The following CADM1 variants were observed in gnomAD, a reference collection of about 807,000 sequenced individuals.
CADM1 encodes TSLC-1.
Under a neutral mutation model 53.1 loss-of-function variants are expected in CADM1, and 15 were observed. The ratio of observed to expected loss-of-function variants is 0.28; its 90% confidence interval spans 0.19 to 0.44. The LOEUF (loss-of-function observed/expected upper bound fraction) is 0.44, where lower values mean the gene tolerates loss of function less well. Among genes scored for constraint, CADM1 ranks in the 20% least tolerant of loss-of-function variants. The pLI, the probability that CADM1 is intolerant of heterozygous loss-of-function variation, is 1.00. For synonymous variants in CADM1, 281 were observed against 243.0 expected (o/e 1.16, Z -1.45); for missense variants, 434 against 611.3 (o/e 0.71, Z 3.06).
chr11:115,239,919 G>GA (rs1942160462), intron 2 of CADM1, among the ~76,000 whole-genome samples: 1 of 152,080 alleles, frequency 6.6e-6, no homozygotes, highest in Admixed American at 6.6e-5. Flanking sequence ...TATTGCCTTG[G>GA]AAACTTCAAT....
chr11:115,289,597 T>C (rs1379865589), intron 1 of CADM1, among the ~76,000 whole-genome samples: 5 of 87,846 alleles, frequency 5.7e-5, no homozygotes, highest in Middle Eastern at 4.2e-3. Flanking sequence ...TTTTTTCTTT[T>C]TTTTTTTTTT....
At chr11:115,232,070 AATATAG>A (rs1369871154) in intron 3 of CADM1, among the ~76,000 whole-genome samples, 19 of 152,172 alleles carry the variant, frequency 1.2e-4, no homozygotes, top group Non-Finnish European at 2.1e-4. Flanking sequence ...ACATTATATC[AATATAG>A]ATATTAGTCA....
intron 5 of CADM1, among the ~76,000 whole-genome samples, chr11:115,220,671 C>T (rs571204954): frequency 6.6e-6 from 1 of 152,170 alleles, no homozygotes; most frequent in South Asian, 2.1e-4. Flanking sequence ...GCTATCCTCT[C>T]GCCCAGCCTA....
chr11:115,327,459 C>A (rs1944987875), intron 1 of CADM1, among the ~76,000 whole-genome samples: 2 of 152,008 alleles, frequency 1.3e-5, no homozygotes, highest in African/African-American at 2.4e-5. Flanking sequence ...CTTGTTTCTG[C>A]AAGGATTCAT....
At chr11:115,400,637 A>G (rs1475125045) in intron 1 of CADM1, among the ~76,000 whole-genome samples, 37 of 85,998 alleles carry the variant, frequency 4.3e-4, no homozygotes, top group African/African-American at 1.5e-3. Flanking sequence ...TGTATCATAT[A>G]TATGTGTGTG....
chr11:115,435,769 A>G (rs2135308888), intron 1 of CADM1, among the ~76,000 whole-genome samples: 1 of 152,320 alleles, frequency 6.6e-6, no homozygotes, highest in Non-Finnish European at 1.5e-5. Flanking sequence ...ACTGGAACAG[A>G]GCCAAGCTTT....
At chr11:115,433,119 C>G (rs1339958170) in intron 1 of CADM1, among the ~76,000 whole-genome samples, 1 of 152,162 alleles carries the variant, frequency 6.6e-6, no homozygotes, top group Non-Finnish European at 1.5e-5. Context: ...GGGGAAGACA[C>G]AGACCACCCC....
intron 1 of CADM1, among the ~76,000 whole-genome samples, chr11:115,266,551 A>C (rs972564329): frequency 9.2e-5 from 14 of 152,174 alleles, no homozygotes; most frequent in African/African-American, 3.4e-4. Context: ...TGTCTTCCAC[A>C]TTTACCAACT....
At chr11:115,191,088 AG>A in intron 9 of CADM1, 147 bp from the exon 10 acceptor site, 1 of 653,654 alleles carries the variant, frequency 1.5e-6, no homozygotes, top group Non-Finnish European at 2.6e-6. Flanking sequence ...TTAATCCATA[AG>A]TACATTTCTT....
At chr11:115,190,723 G>T (rs1939806564) in intron 10 of CADM1, 165 bp downstream of exon 10, 1 of 581,734 alleles carries the variant, frequency 1.7e-6, no homozygotes, top group East Asian at 2.8e-5. Context: ...GAGAAAACAG[G>T]TGAGTGGGTG....
chr11:115,350,516 T>C (rs1238785536), intron 1 of CADM1, among the ~76,000 whole-genome samples: 2 of 150,208 alleles, frequency 1.3e-5, no homozygotes, highest in African/African-American at 4.9e-5. Flanking sequence ...TTTCTTTTTT[T>C]TTTTTTTAAT....
chr11:115,308,141 C>CTGTG lies in CADM1; in HGVS notation c.125-67725_125-67722dup, dbSNP rs199736406. 1.3e-3 allele frequency among the ~76,000 whole-genome samples: 169 copies of CTGTG among 133,480 alleles called. 2 individuals are homozygous for CTGTG. The highest frequency in any genetic ancestry group is 3.7e-3 in the Middle Eastern group (1 of 268). The allele number at this position is 133,480 out of a possible 152,430, so 87.6% of individuals were successfully genotyped here. On this transcript the variant is annotated intron_variant, in intron 1 of 11. Coordinates refer to ENST00000331581, the MANE Select transcript of CADM1 (RefSeq NM_001301043.2). ...CCTGTAAAAGACACAAACTCTCTCTCTGTGTGTGTGTGTGTGTGTGTGTGT... is the reference window on the plus strand; with the variant it reads ...CCTGTAAAAGACACAAACTCTCTCTCTGTGTGTGTGTGTGTGTGTGTGTGTGTGT...
rs1216372271 is a variant in CADM1, at chr11:115,404,327, G to GAAAA, written c.124+99940_124+99943dup. ...GGCGACAGAGCAAGAATCTGTCTCG[G>GAAAA]AAAAAAAAAAAAAAAAAAAATATAT... On this transcript the variant is annotated intron_variant, in intron 1 of 11. Coordinates refer to ENST00000331581, the MANE Select transcript of CADM1 (RefSeq NM_001301043.2). Among the ~76,000 whole-genome samples, 41 of 5,822 alleles carry GAAAA rather than the reference G, an allele frequency of 7.0e-3. 4 individuals are homozygous for GAAAA. The highest frequency in any genetic ancestry group is 8.4e-3 in the Non-Finnish European group (25 of 2,994). The allele number at this position is 5,822 out of a possible 152,430, so 3.8% of individuals were successfully genotyped here.
In CADM1 at chr11:115,428,780, C is replaced by T. The variant is rs78147104; in HGVS notation, c.124+75491G>A. On this transcript the variant is annotated intron_variant, in intron 1 of 11. Coordinates refer to ENST00000331581, the MANE Select transcript of CADM1 (RefSeq NM_001301043.2). ...AAAAAAAACTAGCAGTGTGTGTGTG[C>T]GTGTGTGTGTGTGTGTGTACGTGTG... 4.0e-5 allele frequency among the ~76,000 whole-genome samples: 6 copies of T among 151,124 alleles called. No individual in the cohort carries two copies. The East Asian group carries it at 5.8e-4, about 15-fold the overall frequency.
At chr11:115,303,526 A>T (rs1184763272) in intron 1 of CADM1, among the ~76,000 whole-genome samples, 2 of 152,074 alleles carry the variant, frequency 1.3e-5, no homozygotes, top group African/African-American at 4.8e-5. Flanking sequence ...GTTTGTTCAC[A>T]TACTCACTAA....
intron 8 of CADM1, among the ~76,000 whole-genome samples, chr11:115,201,076 C>CAAAAGGGGAGG (rs1940399916): frequency 6.6e-6 from 1 of 152,030 alleles, no homozygotes; most frequent in Non-Finnish European, 1.5e-5. Context: ...CAACTGCACC[C>CAAAAGGGGAGG]AAAAGGGGAG....
chr11:115,213,339 T>C (rs1316727429), intron 7 of CADM1, among the ~76,000 whole-genome samples: 1 of 152,224 alleles, frequency 6.6e-6, no homozygotes, highest in Non-Finnish European at 1.5e-5. Flanking sequence ...CACATGGATT[T>C]CCTTAACTAC....
chr11:115,303,227 TTTA>T (rs2135141331), intron 1 of CADM1, among the ~76,000 whole-genome samples: 1 of 152,130 alleles, frequency 6.6e-6, no homozygotes, highest in Non-Finnish European at 1.5e-5. Flanking sequence ...GGGGAATACT[TTTA>T]AGGAGGCAAA....
intron 1 of CADM1, among the ~76,000 whole-genome samples, chr11:115,441,709 G>C (rs775680987): frequency 7.2e-5 from 11 of 152,116 alleles, no homozygotes; most frequent in Non-Finnish European, 8.8e-5. Context: ...ATGAGAAGTT[G>C]TTCTGGGACA....
Sources: gnomAD v4.1 joint callset for allele counts (sites outside exome capture counted in the v4.1 genomes callset) on GRCh38, gnomAD v4.1.1 for gene constraint, MANE v1.5 for transcripts, NCBI Gene and HGNC (gene_info 2026-07-23, HGNC 2026-07-21) for gene names.